NTN1: variants seen among roughly 807,000 people sequenced by gnomAD.
The protein encoded by NTN1 is netrin 1, also known as netrin-1.
In NTN1, 11 loss-of-function variants were observed where a neutral mutation model predicts 54.2. The ratio of observed to expected loss-of-function variants is 0.20; its 90% confidence interval spans 0.13 to 0.34. The LOEUF (loss-of-function observed/expected upper bound fraction) is 0.34, where lower values mean the gene tolerates loss of function less well. Among genes scored for constraint, NTN1 ranks in the 10% least tolerant of loss-of-function variants. The pLI is 1.00. For synonymous variants in NTN1, 371 were observed against 382.0 expected, an observed-to-expected ratio of 0.97 and a Z score of 0.33; for missense variants, 740 against 893.1, an observed-to-expected ratio of 0.83 and a Z score of 2.18.
At position 9,145,241 on chromosome 17, in the gene NTN1, C is replaced by T. The variant is rs145729631; in HGVS notation, c.1019-17572C>T. On this transcript the variant is annotated intron_variant, in intron 2 of 6. Transcript: ENST00000173229. ...AGCACCAGGGCCAAGAAATGTGGGG[C>T]GTTCACATGTGGGTTCCCTCCAACC... 8.1e-3 allele frequency among the ~76,000 whole-genome samples: 1,237 copies of T among 152,310 alleles called. 22 individuals carry two copies. Among genetic ancestry groups the T allele is most frequent in the African/African-American group, 0.028 (1,178 of 41,562 alleles).
chr17:9,156,990 C>T (rs1473145861), intron 2 of NTN1, among the ~76,000 whole-genome samples: 1 of 151,252 alleles, frequency 6.6e-6, no homozygotes, highest in Non-Finnish European at 1.5e-5. Flanking sequence ...CTATCAACCC[C>T]ATCCATCCGT....
At position 9,242,615 on chromosome 17, in the gene NTN1, C is replaced by G. The variant is rs928428399; in HGVS notation, c.*2647C>G. Reference sequence around the variant, plus strand: ...AAATTCAGCCAGTGTCCTGCCCCTCCCTTCGGCTCAGCACCCCGCAGGGCA... The same window carrying G: ...AAATTCAGCCAGTGTCCTGCCCCTCGCTTCGGCTCAGCACCCCGCAGGGCA... On this transcript the variant is annotated 3_prime_UTR_variant, in exon 7 of 7. Transcript: ENST00000173229. 2 of 152,334 alleles carry G rather than the reference C, an allele frequency of 1.3e-5. No homozygotes were observed. The highest frequency in any genetic ancestry group is 1.3e-4 in the Admixed American group (2 of 15,294). The allele number at this position is 152,334 out of a possible 1,614,324, so 9.4% of individuals were successfully genotyped here.
At position 9,106,583 on chromosome 17, in the gene NTN1, G is replaced by A. The variant is rs567391083; in HGVS notation, c.1019-56230G>A. Among the ~76,000 whole-genome samples, 6 of 151,420 alleles carry A rather than the reference G, an allele frequency of 4.0e-5. No individual in the cohort carries two copies. In the East Asian group the frequency reaches 5.9e-4, roughly 15 times the overall value. On this transcript the variant is annotated intron_variant, in intron 2 of 6. Transcript: ENST00000173229. ...GGCTGGAATGCAGTGGTGCACGCTC[G>A]GCTCACTGCAACCTCCGCTTCCTGG...
At chr17:9,034,917 A>G (rs183888194) in intron 2 of NTN1, among the ~76,000 whole-genome samples, 7 of 151,968 alleles carry the variant, frequency 4.6e-5, no homozygotes, top group Admixed American at 3.9e-4. Flanking sequence ...CCCACCATAC[A>G]TGGGTTTTGA....
intron 2 of NTN1, among the ~76,000 whole-genome samples, chr17:9,138,761 A>G (rs963747315): frequency 4.6e-5 from 7 of 151,918 alleles, no homozygotes; most frequent in African/African-American, 1.7e-4. Context: ...AGGGCTGGGG[A>G]GTGGGGGATT....
chr17:9,007,338 T>G, the NTN1 span, among the ~76,000 whole-genome samples: 1 of 141,600 alleles, frequency 7.1e-6, no homozygotes, highest in South Asian at 2.2e-4. Context: ...TCCTTTTTTC[T>G]TTCTTTCTCT....
At chr17:9,068,835 T>C (rs2092023975) in intron 2 of NTN1, among the ~76,000 whole-genome samples, 2 of 152,118 alleles carry the variant, frequency 1.3e-5, no homozygotes, top group African/African-American at 4.8e-5. Context: ...GGCCTTTTCT[T>C]AAGTTAGACC....
At chr17:9,026,763 C>T (rs940850) in intron 2 of NTN1, among the ~76,000 whole-genome samples, 17,292 of 151,678 alleles carry the variant, frequency 0.11, 1,187 homozygotes, top group East Asian at 0.26. Context: ...GTGTTAGTAT[C>T]TAGTATTTAG....
At chr17:9,063,524 A>G (rs1287815962) in intron 2 of NTN1, among the ~76,000 whole-genome samples, 1 of 151,804 alleles carries the variant, frequency 6.6e-6, no homozygotes, top group East Asian at 1.9e-4. Context: ...GCTATGAAAG[A>G]GGTAAGTGCA....
intron 2 of NTN1, among the ~76,000 whole-genome samples, chr17:9,154,613 A>C (rs1245589308): frequency 6.6e-6 from 1 of 152,076 alleles, no homozygotes; most frequent in Non-Finnish European, 1.5e-5. Context: ...GAGTTGCTCC[A>C]CCCAGCCATT....
At chr17:9,116,696 G>T (rs929429564) in intron 2 of NTN1, among the ~76,000 whole-genome samples, 1 of 152,168 alleles carries the variant, frequency 6.6e-6, no homozygotes, top group African/African-American at 2.4e-5. Context: ...GCTTCCAATT[G>T]CCTCTCAGTA....
intron 2 of NTN1, among the ~76,000 whole-genome samples, chr17:9,138,053 T>G (rs889968821): frequency 2.6e-5 from 4 of 152,158 alleles, no homozygotes; most frequent in African/African-American, 9.7e-5. Context: ...TGTCCCACCA[T>G]GAGGTGAGAG....
intron 2 of NTN1, among the ~76,000 whole-genome samples, chr17:9,144,175 C>T (rs2092306525): frequency 6.6e-6 from 1 of 152,100 alleles, no homozygotes; most frequent in African/African-American, 2.4e-5. Context: ...GGATTACAGA[C>T]ATGAGCCACT....
At chr17:9,010,640 G>A in the NTN1 span, among the ~76,000 whole-genome samples, 1 of 152,228 alleles carries the variant, frequency 6.6e-6, no homozygotes, top group Non-Finnish European at 1.5e-5. Flanking sequence ...TCCTGCGGCT[G>A]CTGTAACAAA....
At chr17:9,149,511 G>A (rs1307420285) in intron 2 of NTN1, among the ~76,000 whole-genome samples, 1 of 152,162 alleles carries the variant, frequency 6.6e-6, no homozygotes, top group African/African-American at 2.4e-5. Flanking sequence ...TCTGGAAAGA[G>A]CTCTGAATTA....
the NTN1 span, among the ~76,000 whole-genome samples, chr17:9,005,761 G>A: frequency 6.6e-6 from 1 of 152,212 alleles, no homozygotes; most frequent in Non-Finnish European, 1.5e-5. Flanking sequence ...TCCAGAATGT[G>A]CAGCCAATGA....
chr17:9,038,227 C>G (rs1301360186), intron 2 of NTN1, among the ~76,000 whole-genome samples: 3 of 88,394 alleles, frequency 3.4e-5, no homozygotes, highest in South Asian at 3.4e-4. Context: ...CTCTGTGTCT[C>G]TCTCTCTTTC....
chr17:9,118,561 C>T (rs2092222098), intron 2 of NTN1, among the ~76,000 whole-genome samples: 1 of 152,116 alleles, frequency 6.6e-6, no homozygotes, highest in Non-Finnish European at 1.5e-5. Flanking sequence ...TCAGTATATT[C>T]AGAGTTGTAC....
intron 3 of NTN1, among the ~76,000 whole-genome samples, chr17:9,164,237 T>C (rs753109712): frequency 2.0e-5 from 3 of 152,148 alleles, no homozygotes; most frequent in Non-Finnish European, 2.9e-5. Context: ...CCAGCCTGCC[T>C]AACATGGTGA....
Sources: allele counts gnomAD v4.1 joint callset (sites outside exome capture counted in the v4.1 genomes callset), GRCh38; gene constraint gnomAD v4.1.1; transcripts MANE v1.5; gene names NCBI Gene and HGNC (gene_info 2026-07-23, HGNC 2026-07-21).